Variants in GLI2 observed in about 807,000 individuals in gnomAD.
The protein encoded by GLI2 is transcription activator GLI2.
A neutral mutation model predicts 78.9 loss-of-function variants in GLI2; 22 were observed. That is an observed-to-expected ratio of 0.28 (90% CI 0.20 to 0.40). GLI2 has a LOEUF of 0.40. Ranked by LOEUF, GLI2 falls within the 10% of genes least tolerant of loss-of-function variation. The pLI, the probability that GLI2 is intolerant of heterozygous loss-of-function variation, is 1.00. For synonymous variants in GLI2, 974 were observed against 963.7 expected (o/e 1.01, Z -0.20); for missense variants, 2,097 against 2,213.2 (o/e 0.95, Z 1.05).
intron 2 of GLI2, among the ~76,000 whole-genome samples, chr2:120,807,766 T>C (rs1685029355): frequency 6.6e-6 from 1 of 152,030 alleles, no homozygotes; most frequent in Admixed American, 6.6e-5. Flanking sequence ...CCTCCTAGGG[T>C]CTGTGTCCTC....
At chr2:120,838,593 A>G (rs549706172) in intron 2 of GLI2, among the ~76,000 whole-genome samples, 2 of 152,344 alleles carry the variant, frequency 1.3e-5, no homozygotes, top group Admixed American at 1.3e-4. Flanking sequence ...GTCTTAGTCC[A>G]CTTTGTGTTG....
chr2:120,928,261 C>T (rs1443976348), intron 3 of GLI2, among the ~76,000 whole-genome samples: 2 of 152,172 alleles, frequency 1.3e-5, no homozygotes, highest in Non-Finnish European at 2.9e-5. Flanking sequence ...AGCCCCCTCA[C>T]CTGTTCATGC....
chr2:120,927,187 C>T (rs1283417502), intron 2 of GLI2, among the ~76,000 whole-genome samples, 174 bp from the exon 3 acceptor site: 1 of 152,212 alleles, frequency 6.6e-6, no homozygotes, highest in East Asian at 1.9e-4. Flanking sequence ...CTCGGGCAGA[C>T]TTTGATTATT....
chr2:120,872,745 G>T (rs1425366107), intron 2 of GLI2, among the ~76,000 whole-genome samples: 1 of 152,200 alleles, frequency 6.6e-6, no homozygotes, highest in African/African-American at 2.4e-5. Context: ...GTAAAATGGG[G>T]CTGATAATCC....
At chr2:120,935,545 C>T (rs1680158594) in intron 3 of GLI2, among the ~76,000 whole-genome samples, 1 of 152,190 alleles carries the variant, frequency 6.6e-6, no homozygotes, top group South Asian at 2.1e-4. Flanking sequence ...AGTCTGTGCC[C>T]AGCCGCCGGC....
chr2:120,992,041 CA>C lies in GLI2; in HGVS notation c.*1367del, dbSNP rs1683312012. 4 of 153,884 alleles carry C rather than the reference CA, an allele frequency of 2.6e-5. No individual in the cohort carries two copies. Among genetic ancestry groups the C allele is most frequent in the South Asian group, 2.1e-4 (1 of 4,796 alleles). The allele number at this position is 153,884 out of a possible 1,614,324, so 9.5% of individuals were successfully genotyped here. A position where few individuals can be genotyped will look rare whatever the true frequency, so the allele number is the denominator to read the frequency against. ...ACACACACACACACACACACACACA[CA>C]CACACACACCCCAAACCTTTTCATG... On this transcript the variant is annotated 3_prime_UTR_variant, in exon 14 of 14. Transcript: ENST00000361492.
chr2:120,892,274 G>A (rs1384708013), intron 2 of GLI2, among the ~76,000 whole-genome samples: 1 of 152,192 alleles, frequency 6.6e-6, no homozygotes, highest in Non-Finnish European at 1.5e-5. Context: ...GCAGGTGGTG[G>A]GCCTGAGCCG....
chr2:120,898,428 C>T (rs1678086349), intron 2 of GLI2, among the ~76,000 whole-genome samples: 1 of 152,174 alleles, frequency 6.6e-6, no homozygotes, highest in African/African-American at 2.4e-5. Flanking sequence ...GGCTGCCTCA[C>T]TTGGGGCGTG....
At chr2:120,896,709 A>C (rs199969751) in intron 2 of GLI2, among the ~76,000 whole-genome samples, 26 of 44,960 alleles carry the variant, frequency 5.8e-4, no homozygotes, top group African/African-American at 3.4e-3. Context: ...ACACACACAC[A>C]CACACACACA....
intron 1 of GLI2, among the ~76,000 whole-genome samples, chr2:120,766,897 G>A (rs1683381445): frequency 6.6e-6 from 1 of 152,214 alleles, no homozygotes; most frequent in South Asian, 2.1e-4. Context: ...TGGAGGGCCT[G>A]TTCCCAGGTC....
At chr2:120,822,879 C>T (rs1685848972) in intron 2 of GLI2, among the ~76,000 whole-genome samples, 1 of 152,224 alleles carries the variant, frequency 6.6e-6, no homozygotes, top group East Asian at 1.9e-4. Context: ...TCAGTACACT[C>T]TGAACCCATC....
At chr2:120,760,964 T>G (rs1274984662) in intron 1 of GLI2, among the ~76,000 whole-genome samples, 3 of 152,174 alleles carry the variant, frequency 2.0e-5, no homozygotes, top group Non-Finnish European at 4.4e-5. Flanking sequence ...AGGTGGGCCT[T>G]GTCCTGCACA....
In GLI2 at chr2:120,970,569, T is replaced by G. The variant is rs1186006851; in HGVS notation, c.1022T>G (p.Leu341Arg). The change falls in exon 7 of 14, where the codon CTC (leucine) becomes CGC (arginine). Residue 341 changes from leucine (L) to arginine (R), a missense_variant. Leu to Arg is a moderately radical substitution (Grantham distance 102). Coordinates refer to ENST00000361492, the MANE Select transcript of GLI2 (RefSeq NM_001374353.1). ...LTSINATPTQ[L>R]SSSSNCLSDT... ...TCCATCAATGCCACGCCCACCCAGCTCAGCAGCAGCAGCAACTGTCTGAGT... is the reference window on the plus strand; with the variant it reads ...TCCATCAATGCCACGCCCACCCAGCGCAGCAGCAGCAGCAACTGTCTGAGT... The G allele has an allele frequency of 9.9e-6, 16 of 1,613,860 alleles. No individual in the cohort carries two copies. The Admixed American group carries it at 2.5e-4, about 25-fold the overall frequency.
At chr2:120,935,964 C>A (rs1222690316) in intron 3 of GLI2, among the ~76,000 whole-genome samples, 1 of 152,076 alleles carries the variant, frequency 6.6e-6, no homozygotes, top group Non-Finnish European at 1.5e-5. Flanking sequence ...GCAGGAGGGG[C>A]CAGGGAGTGG....
At chr2:120,848,484 G>A (rs1177761759) in intron 2 of GLI2, among the ~76,000 whole-genome samples, 1 of 152,166 alleles carries the variant, frequency 6.6e-6, no homozygotes, top group Non-Finnish European at 1.5e-5. Flanking sequence ...TTTATTTTGG[G>A]TGGAGGCAGG....
chr2:120,771,051 C>G (rs1217914029), intron 1 of GLI2, among the ~76,000 whole-genome samples: 1 of 152,246 alleles, frequency 6.6e-6, no homozygotes, highest in Non-Finnish European at 1.5e-5. Context: ...GGCAGCGAAT[C>G]AGAGACTTTT....
chr2:120,982,100 G>A (rs980974855), intron 10 of GLI2, among the ~76,000 whole-genome samples: 1 of 152,150 alleles, frequency 6.6e-6, no homozygotes, highest in Non-Finnish European at 1.5e-5. Context: ...GAGGGACCTG[G>A]GCCAGGAACC....
At chr2:120,972,210 C>A in intron 8 of GLI2, 147 bp downstream of exon 8, 2 of 863,574 alleles carry the variant, frequency 2.3e-6, no homozygotes, top group Non-Finnish European at 3.8e-6. Context: ...GGTGGGAATG[C>A]TGAGCTGTGA....
intron 4 of GLI2, among the ~76,000 whole-genome samples, chr2:120,952,349 G>A (rs1681036988): frequency 6.6e-6 from 1 of 152,252 alleles, no homozygotes; most frequent in Non-Finnish European, 1.5e-5. Context: ...CATGGGCAGA[G>A]GCTCTAGGAA....
Sources: allele counts gnomAD v4.1 joint callset (sites outside exome capture counted in the v4.1 genomes callset), GRCh38; gene constraint gnomAD v4.1.1; transcripts MANE v1.5; gene names NCBI Gene and HGNC (gene_info 2026-07-23, HGNC 2026-07-21).